Variants in STXBP5 observed in about 807,000 individuals in gnomAD.
STXBP5 encodes syntaxin-binding protein 5.
Under a neutral mutation model 152.4 loss-of-function variants are expected in STXBP5, and 50 were observed. The ratio of observed to expected loss-of-function variants is 0.33; its 90% CI spans 0.26 to 0.42. STXBP5 has a LOEUF of 0.42. Ranked by LOEUF, STXBP5 falls within the 10% of genes least tolerant of loss-of-function variation. The probability of loss-of-function intolerance (pLI) is 1.00; values close to 1 mark genes in which losing one functional copy is unlikely to be tolerated. For synonymous variants in STXBP5, 492 were observed against 494.7 expected (o/e 0.99, Z 0.07); for missense variants, 1,167 against 1,388.6 (o/e 0.84, Z 2.54).
chr6:147,390,124 C>G lies in STXBP5; in HGVS notation c.*5369C>G, dbSNP rs1786522506. On this transcript the variant is annotated 3_prime_UTR_variant, in exon 28 of 28. Coordinates refer to ENST00000321680, the MANE Select transcript of STXBP5 (RefSeq NM_001127715.4). ...ATTTAATCTTGCTCAGTCCCAGTAACTATCTCAAAGGTAATTGCTGGAATA... is the reference window on the plus strand; with the variant it reads ...ATTTAATCTTGCTCAGTCCCAGTAAGTATCTCAAAGGTAATTGCTGGAATA... 1.3e-5 allele frequency: 2 copies of G among 151,792 alleles called. No individual in the cohort carries two copies. The highest frequency in any genetic ancestry group is 4.8e-5 in the African/African-American group (2 of 41,374). 9.4% of individuals were successfully genotyped at this position (151,792 alleles called of 1,614,324 possible).
chr6:147,220,837 T>C (rs1777422018), intron 2 of STXBP5, among the ~76,000 whole-genome samples: 1 of 152,158 alleles, frequency 6.6e-6, no homozygotes, highest in Admixed American at 6.5e-5. Flanking sequence ...GTCTTTTAAT[T>C]GGTGCATTTA....
chr6:147,205,210 A>G (rs1776478492), intron 1 of STXBP5, among the ~76,000 whole-genome samples: 1 of 152,076 alleles, frequency 6.6e-6, no homozygotes, highest in African/African-American at 2.4e-5. Flanking sequence ...TTGCCTGTTA[A>G]TGGCACGATA....
At chr6:147,302,543 A>G (rs745823541) in intron 9 of STXBP5, among the ~76,000 whole-genome samples, 3 of 152,124 alleles carry the variant, frequency 2.0e-5, no homozygotes, top group Non-Finnish European at 4.4e-5. Context: ...AAGGCCAGGC[A>G]TGGTGCCTCA....
intron 18 of STXBP5, among the ~76,000 whole-genome samples, chr6:147,332,360 T>C (rs1260148685): frequency 6.6e-6 from 1 of 152,172 alleles, no homozygotes; most frequent in Non-Finnish European, 1.5e-5. Context: ...AGGGGAAAAG[T>C]ACTTGAAGGA....
At chr6:147,230,663 G>T (rs1182606290) in intron 2 of STXBP5, among the ~76,000 whole-genome samples, 3 of 151,730 alleles carry the variant, frequency 2.0e-5, no homozygotes, top group African/African-American at 4.8e-5. Flanking sequence ...ATTTTGCTGT[G>T]TGTGTGTGTG....
intron 2 of STXBP5, among the ~76,000 whole-genome samples, chr6:147,234,975 T>G (rs950368467): frequency 2.0e-5 from 3 of 152,072 alleles, no homozygotes; most frequent in Non-Finnish European, 4.4e-5. Context: ...CAGCATAAAA[T>G]GTATTACCTA....
In STXBP5 at chr6:147,294,995, C is replaced by G. The variant is rs138743478; in HGVS notation, c.917+3823C>G. ...GTCCAAATCCCAGTTCTGCCACTTA[C>G]TAACTGTATTATCTTTGGTAGGTTA... On this transcript the variant is annotated intron_variant, in intron 9 of 27. Transcript: ENST00000321680. Among the ~76,000 whole-genome samples the G allele has an allele frequency of 3.9e-5, 6 of 152,296 alleles. No individual in the cohort carries two copies. In the East Asian group the frequency reaches 9.7e-4, roughly 25 times the overall value.
intron 2 of STXBP5, among the ~76,000 whole-genome samples, chr6:147,221,152 C>A (rs1172697510): frequency 6.6e-6 from 1 of 152,020 alleles, no homozygotes; most frequent in Non-Finnish European, 1.5e-5. Context: ...CTTCACAGGT[C>A]ATATGAGTAC....
intron 15 of STXBP5, among the ~76,000 whole-genome samples, 199 bp from the exon 16 acceptor site, chr6:147,316,030 G>A (rs540584508): frequency 8.5e-5 from 13 of 152,148 alleles, no homozygotes; most frequent in East Asian, 3.9e-4. Flanking sequence ...CATAATGCAC[G>A]TTTGTGTGTG....
intron 21 of STXBP5, among the ~76,000 whole-genome samples, chr6:147,340,745 A>G (rs1475148523): frequency 6.6e-6 from 1 of 152,082 alleles, no homozygotes; most frequent in African/African-American, 2.4e-5. Context: ...TATTAAATGT[A>G]CTGACTACCT....
rs1785678450 is a variant in STXBP5 at position 147,373,810 on chromosome 6, G to A, written c.3161G>A (p.Gly1054Asp). 1 of 1,613,472 alleles carries A rather than the reference G, an allele frequency of 6.2e-7. No homozygotes were observed. The highest frequency in any genetic ancestry group is 8.5e-7 in the Non-Finnish European group (1 of 1,179,648). The change falls in exon 26 of 28, where the codon GGT becomes GAT. Residue 1054 changes from glycine (G) to aspartate (D), a missense_variant. By Grantham distance (94) the Gly-to-Asp change is moderately conservative. This residue lies in a region of STXBP5 where 833 missense variants were observed against 986.3 expected (regional missense o/e 0.84). Transcript: ENST00000321680. ...GGATTCTTTAAAGGCTTATTTGGAG[G>A]TGGTGCACAATCTCTTGACAGAGAA... Reference protein sequence around the residue: ...NRGFFKGLFGGGAQSLDREEL... With the variant: ...NRGFFKGLFGDGAQSLDREEL...
chr6:147,212,240 A>T (rs1244336052), intron 2 of STXBP5, among the ~76,000 whole-genome samples: 2 of 152,246 alleles, frequency 1.3e-5, no homozygotes, highest in African/African-American at 4.8e-5. Context: ...TGAAAAGAAT[A>T]TGTTAACTAT....
intron 6 of STXBP5, among the ~76,000 whole-genome samples, chr6:147,266,003 C>G (rs1033784351): frequency 5.7e-4 from 86 of 151,796 alleles, no homozygotes; most frequent in African/African-American, 2.1e-3. Flanking sequence ...AGGAAACGAT[C>G]ACTAAAATGA....
chr6:147,380,602 A>G (rs1786037666), intron 26 of STXBP5, among the ~76,000 whole-genome samples: 1 of 152,046 alleles, frequency 6.6e-6, no homozygotes, highest in Non-Finnish European at 1.5e-5. Flanking sequence ...TGGATTAGGC[A>G]GTGGTTTCTA....
chr6:147,331,667 C>T (rs973181726), intron 18 of STXBP5, among the ~76,000 whole-genome samples: 41 of 152,092 alleles, frequency 2.7e-4, no homozygotes, highest in Non-Finnish European at 5.4e-4. Context: ...GGCAGAACTG[C>T]TGAATATGTT....
chr6:147,306,097 C>A (rs1185683529), intron 9 of STXBP5, among the ~76,000 whole-genome samples: 1 of 152,158 alleles, frequency 6.6e-6, no homozygotes, highest in Non-Finnish European at 1.5e-5. Context: ...TAGGTATGTT[C>A]CCCAAATCTG....
chr6:147,328,363 T>C (rs961174307), intron 18 of STXBP5, among the ~76,000 whole-genome samples: 11 of 152,202 alleles, frequency 7.2e-5, no homozygotes, highest in Non-Finnish European at 1.2e-4. Flanking sequence ...CCAGTGTGTA[T>C]TGAAACACCG....
chr6:147,316,426 C>A lies in STXBP5; in HGVS notation c.1802+19C>A. ...GTTTAAAGTAAGTTATAAAAAACTA[C>A]AGAGGAGTTTTGGATATTATCTTTT... On this transcript the variant is annotated intron_variant, in intron 16 of 27. Coordinates refer to ENST00000321680, the MANE Select transcript of STXBP5 (RefSeq NM_001127715.4). 1 of 1,478,192 alleles carries A rather than the reference C, an allele frequency of 6.8e-7. No homozygotes were observed. The allele number at this position is 1,478,192 out of a possible 1,614,324, so 91.6% of individuals were successfully genotyped here.
chr6:147,274,753 T>C (rs1780357260), intron 7 of STXBP5, among the ~76,000 whole-genome samples: 2 of 152,108 alleles, frequency 1.3e-5, no homozygotes, highest in African/African-American at 4.8e-5. Flanking sequence ...TTTGGCATTT[T>C]TCTGAGGGCT....
Sources: gnomAD v4.1 joint callset for allele counts (sites outside exome capture counted in the v4.1 genomes callset) on GRCh38, gnomAD v4.1.1 for gene constraint, gnomAD v4.1.1 regional missense constraint, MANE v1.5 for transcripts, NCBI Gene and HGNC (gene_info 2026-07-23, HGNC 2026-07-21) for gene names.